TBC1D22A: variants seen among roughly 807,000 people sequenced by gnomAD.
TBC1D22A encodes the protein TBC1 domain family member 22A.
TBC1D22A carries 38 observed loss-of-function variants against 60.2 expected under a neutral mutation model. The ratio of observed to expected loss-of-function variants is 0.63; its 90% CI spans 0.49 to 0.83. The LOEUF (loss-of-function observed/expected upper bound fraction) is 0.83. TBC1D22A is among the 40% of genes least tolerant of loss of function. The probability of loss-of-function intolerance (pLI) is 0.00; values close to 1 mark genes in which losing one functional copy is unlikely to be tolerated. For missense variants in TBC1D22A, 628 were observed against 701.0 expected (o/e 0.90, Z 1.18); for synonymous variants, 302 against 281.7 (o/e 1.07, Z -0.72).
intron 4 of TBC1D22A, 54 bp downstream of exon 4, chr22:46,797,674 A>G: frequency 6.6e-7 from 1 of 1,507,704 alleles, no homozygotes; most frequent in South Asian, 1.3e-5. Context: ...CTGTTTCTGA[A>G]ATAGATCACA....
At chr22:46,935,475 G>T (rs975642024) in intron 8 of TBC1D22A, among the ~76,000 whole-genome samples, 6 of 152,232 alleles carry the variant, frequency 3.9e-5, no homozygotes, top group African/African-American at 1.4e-4. Flanking sequence ...GGCCGTATGG[G>T]CAGTTTGAAA....
chr22:47,141,001 G>A (rs996735623), intron 12 of TBC1D22A, among the ~76,000 whole-genome samples: 1 of 152,174 alleles, frequency 6.6e-6, no homozygotes, highest in Non-Finnish European at 1.5e-5. Context: ...AGAAATACCC[G>A]AGACTGGGTA....
At chr22:47,069,970 GT>G (rs2063916124) in intron 11 of TBC1D22A, among the ~76,000 whole-genome samples, 1 of 128,278 alleles carries the variant, frequency 7.8e-6, no homozygotes, top group African/African-American at 3.6e-5. Flanking sequence ...GCTGTCCCCT[GT>G]TTGGTTGGAG....
At chr22:46,991,560 T>A (rs542120110) in intron 9 of TBC1D22A, among the ~76,000 whole-genome samples, 1 of 152,354 alleles carries the variant, frequency 6.6e-6, no homozygotes, top group East Asian at 1.9e-4. Context: ...GGGTTCACTT[T>A]GTCTTCCGTG....
chr22:46,802,402 A>G (rs1026159988), intron 4 of TBC1D22A, among the ~76,000 whole-genome samples: 1 of 152,244 alleles, frequency 6.6e-6, no homozygotes, highest in African/African-American at 2.4e-5. Flanking sequence ...CGAGATCTGC[A>G]CGGAGTCAGG....
At chr22:46,861,779 A>T (rs1002477032) in intron 4 of TBC1D22A, among the ~76,000 whole-genome samples, 3 of 152,234 alleles carry the variant, frequency 2.0e-5, no homozygotes, top group African/African-American at 7.2e-5. Flanking sequence ...GCCATGGCTG[A>T]CAGTGGGGCA....
At chr22:46,912,245 A>G (rs2069983861) in intron 8 of TBC1D22A, 57 bp downstream of exon 8, 10 of 1,227,540 alleles carry the variant, frequency 8.1e-6, no homozygotes, top group Non-Finnish European at 1.2e-5. Context: ...GTGTGTTACT[A>G]TGTATAATTA....
At chr22:46,906,119 G>C (rs551950983) in intron 7 of TBC1D22A, among the ~76,000 whole-genome samples, 1 of 152,086 alleles carries the variant, frequency 6.6e-6, no homozygotes, top group Non-Finnish European at 1.5e-5. Context: ...TTCTTGGCTT[G>C]CCCTCAGCAC....
chr22:47,136,276 C>T (rs573141925), intron 12 of TBC1D22A, among the ~76,000 whole-genome samples: 1 of 152,316 alleles, frequency 6.6e-6, no homozygotes, highest in South Asian at 2.1e-4. Context: ...CGCCCCAGGT[C>T]CCCACAGCCC....
At chr22:46,911,356 T>G (rs192125853) in intron 7 of TBC1D22A, among the ~76,000 whole-genome samples, 1 of 152,126 alleles carries the variant, frequency 6.6e-6, no homozygotes, top group African/African-American at 2.4e-5. Flanking sequence ...TTTAAAGAAA[T>G]CTGTTTACTT....
At chr22:47,129,745 A>G (rs191905404) in intron 12 of TBC1D22A, among the ~76,000 whole-genome samples, 1 of 152,174 alleles carries the variant, frequency 6.6e-6, no homozygotes, top group Non-Finnish European at 1.5e-5. Context: ...AATCAAAGCT[A>G]TGTGTTATAT....
At chr22:47,159,451 C>T (rs184850774) in intron 12 of TBC1D22A, among the ~76,000 whole-genome samples, 12 of 151,424 alleles carry the variant, frequency 7.9e-5, no homozygotes, top group Non-Finnish European at 1.2e-4. Flanking sequence ...CATGTATACA[C>T]ACAGACACCA....
chr22:46,835,237 C>T (rs976305707), intron 4 of TBC1D22A, among the ~76,000 whole-genome samples: 1 of 152,090 alleles, frequency 6.6e-6, no homozygotes, highest in Admixed American at 6.5e-5. Flanking sequence ...GGAAACATGA[C>T]CTGACGAAAA....
At chr22:47,074,216 C>T (rs41330945) in intron 11 of TBC1D22A, among the ~76,000 whole-genome samples, 27,741 of 152,228 alleles carry the variant, frequency 0.18, 3,140 homozygotes, top group African/African-American at 0.32. Context: ...TGTCCTAATC[C>T]GGAGCGCCTC....
At chr22:46,904,041 G>A (rs2069204743) in intron 7 of TBC1D22A, among the ~76,000 whole-genome samples, 1 of 151,776 alleles carries the variant, frequency 6.6e-6, no homozygotes, top group African/African-American at 2.4e-5. Context: ...TATGAAATCT[G>A]TCATATATAT....
intron 5 of TBC1D22A, among the ~76,000 whole-genome samples, chr22:46,880,974 C>T (rs746845835): frequency 3.9e-5 from 6 of 152,114 alleles, no homozygotes; most frequent in South Asian, 4.1e-4. Flanking sequence ...GGGAAGGTGG[C>T]ATCTTACGTG....
At chr22:46,980,479 G>A (rs1241706781) in intron 9 of TBC1D22A, among the ~76,000 whole-genome samples, 2 of 152,124 alleles carry the variant, frequency 1.3e-5, no homozygotes, top group Admixed American at 6.5e-5. Flanking sequence ...CACTGTGCCC[G>A]GCTAGAAATC....
chr22:47,035,851 C>G (rs1051718783), intron 10 of TBC1D22A, among the ~76,000 whole-genome samples: 1 of 152,226 alleles, frequency 6.6e-6, no homozygotes, highest in African/African-American at 2.4e-5. Context: ...AGCTCCTGGT[C>G]CGTCAGGTGG....
chr22:46,794,935 A>C (rs2084588250), intron 3 of TBC1D22A, among the ~76,000 whole-genome samples: 2 of 152,186 alleles, frequency 1.3e-5, no homozygotes, highest in South Asian at 4.2e-4. Context: ...GAAGATGGAG[A>C]TTGTTAGGGT....
Sources: allele counts gnomAD v4.1 joint callset (sites outside exome capture counted in the v4.1 genomes callset), GRCh38; gene constraint gnomAD v4.1.1; transcripts MANE v1.5; gene names NCBI Gene and HGNC (gene_info 2026-07-23, HGNC 2026-07-21).